SPTBN2: variants seen among roughly 807,000 people sequenced by gnomAD.
The protein encoded by SPTBN2 is spectrin beta, non-erythrocytic 2.
In SPTBN2, 107 loss-of-function variants were observed where a neutral mutation model predicts 284.2. That is an observed-to-expected ratio of 0.38 (90% CI 0.32 to 0.44). SPTBN2 has a LOEUF of 0.44. SPTBN2 is among the 20% of genes least tolerant of loss of function. SPTBN2 has a pLI of 1.00. For missense variants in SPTBN2, 2,569 were observed against 3,287.1 expected (o/e 0.78, Z 5.34); for synonymous variants, 1,289 against 1,354.8 (o/e 0.95, Z 1.07).
Position 66,711,537 on chromosome 11 carries a change from C to T in SPTBN2, c.773-508G>A, listed in dbSNP as rs558871429. On this transcript the variant is annotated intron_variant, in intron 8 of 37. Coordinates refer to ENST00000533211, the MANE Select transcript of SPTBN2 (RefSeq NM_006946.4). ...TCAGCACCATCTCCAGGTGTGATCA[C>T]GCCGTTTCTAACCTCAATCCTAAAG... Among the ~76,000 whole-genome samples, 26 of 152,276 alleles carry T rather than the reference C, an allele frequency of 1.7e-4. No individual in the cohort carries two copies. The South Asian group carries it at 3.3e-3, about 19-fold the overall frequency.
intron 31 of SPTBN2, 26 bp from the exon 32 acceptor site, chr11:66,688,337 T>C (rs1319134262): frequency 6.4e-7 from 1 of 1,559,190 alleles, no homozygotes; most frequent in South Asian, 1.2e-5. Flanking sequence ...GCATTCAGCG[T>C]GTAGAAGGTT....
Position 66,708,039 on chromosome 11 carries a change from A to C in SPTBN2, c.1350+102T>G. On this transcript the variant is annotated intron_variant, in intron 12 of 37. Coordinates refer to ENST00000533211, the MANE Select transcript of SPTBN2 (RefSeq NM_006946.4). The surrounding 1 kb of genome is among the most constrained non-coding windows in gnomAD (Gnocchi z 4.4). ...CTAGGCCTTTTTACCCAGGTGACGG[A>C]TTTTGTGTTTCATTGTCTCTCCACC... is the stretch of plus-strand genomic sequence containing the variant. The C allele has an allele frequency of 6.4e-7, 1 of 1,573,836 alleles. No individual in the cohort carries two copies. The highest frequency in any genetic ancestry group is 8.7e-7 in the Non-Finnish European group (1 of 1,147,860).
chr11:66,683,726 C>A lies in SPTBN2; in HGVS notation c.*2145G>T, dbSNP rs1939933382. Among the ~76,000 whole-genome samples the A allele has an allele frequency of 6.6e-6, 1 of 152,218 alleles. No homozygotes were observed. The highest frequency in any genetic ancestry group is 2.1e-4 in the South Asian group (1 of 4,832). On this transcript the variant is annotated 3_prime_UTR_variant, in exon 38 of 38. Coordinates refer to ENST00000533211, the MANE Select transcript of SPTBN2 (RefSeq NM_006946.4). ...CACTTACGTGTCGTGTTAAAATAAT[C>A]ATTTCTCTATTAATTTCTCCATATA... is the stretch of plus-strand genomic sequence containing the variant.
chr11:66,704,552 C>A lies in SPTBN2; in HGVS notation c.2678+46G>T, dbSNP rs756550070. 9.6e-6 allele frequency: 15 copies of A among 1,562,178 alleles called. No individual in the cohort carries two copies. The South Asian group carries it at 1.0e-4, about 11-fold the overall frequency. ...CACCACCCACATCCTGGCCCCCCCACCCCCACCTCCCAAGGCTGGTCCCAC... is the reference window on the plus strand; with the variant it reads ...CACCACCCACATCCTGGCCCCCCCAACCCCACCTCCCAAGGCTGGTCCCAC... On this transcript the variant is annotated intron_variant, in intron 15 of 37. Transcript: ENST00000533211.
chr11:66,727,881 C>G (rs1238119711), intron 1 of SPTBN2: 1 of 150,400 alleles, frequency 6.6e-6, no homozygotes, highest in Non-Finnish European at 1.5e-5. Flanking sequence ...AGCCTCGCCG[C>G]GAACGTGTCC....
At chr11:66,733,984 CAA>C (rs60666832), upstream of SPTBN2, among the ~76,000 whole-genome samples, 775 of 75,752 alleles carry the variant, frequency 0.01, 6 homozygotes, top group African/African-American at 0.03. Context: ...GACTCCGTCT[CAA>C]AAAAAAAAAA....
At position 66,687,951 on chromosome 11, in the gene SPTBN2, G is replaced by C; in HGVS notation, c.6451-33C>G. 2.5e-6 allele frequency: 4 copies of C among 1,614,176 alleles called. No individual in the cohort carries two copies. Among genetic ancestry groups the C allele is most frequent in the Non-Finnish European group, 3.4e-6 (4 of 1,180,024 alleles). On this transcript the variant is annotated intron_variant, in intron 33 of 37. Coordinates refer to ENST00000533211, the MANE Select transcript of SPTBN2 (RefSeq NM_006946.4). This position sits in a 1 kb window ranked among gnomAD's most constrained non-coding sequence, Gnocchi z 5.2. ...GACAAGAATCTGTAAAAGGATGTGC[G>C]GGGGTGGAGGGGCTACGACTCCGAT...
Position 66,707,971 on chromosome 11 carries a change from C to T in SPTBN2, c.1351-153G>A, listed in dbSNP as rs887037762. On this transcript the variant is annotated intron_variant, in intron 12 of 37. Transcript: ENST00000533211. The surrounding 1 kb of genome is among the most constrained non-coding windows in gnomAD (Gnocchi z 4.9). ...TCCCACCCCCATCCTGTCTCACCAA[C>T]CCTCTCTCCTGTCCCACCCTCTGGC... 2.0e-5 allele frequency among the ~76,000 whole-genome samples: 3 copies of T among 152,206 alleles called. No homozygotes were observed.
chr11:66,711,152 C>A (rs1941840645), intron 8 of SPTBN2, 123 bp from the exon 9 acceptor site: 1 of 780,604 alleles, frequency 1.3e-6, no homozygotes, highest in Non-Finnish European at 2.3e-6. Flanking sequence ...CCTTTTAGAG[C>A]AAAATGACAA....
Position 66,735,553 on chromosome 11 carries a change from A to G in SPTBN2, c.-474-6361T>C, listed in dbSNP as rs554023974. On this transcript the variant is annotated intron_variant, in intron 1 of 37. Coordinates refer to the SPTBN2 transcript ENST00000611817. Reference sequence around the variant, plus strand: ...TAGTGAGACCTCCATCTTTACAAAAACTTTAAAAATTATCTGGGCATGGTG... The same window carrying G: ...TAGTGAGACCTCCATCTTTACAAAAGCTTTAAAAATTATCTGGGCATGGTG... Among the ~76,000 whole-genome samples the G allele has an allele frequency of 3.3e-5, 5 of 152,078 alleles. No homozygotes were observed. In the East Asian group the frequency reaches 7.7e-4, roughly 24 times the overall value.
chr11:66,699,797 T>C (rs1590934001), intron 17 of SPTBN2, among the ~76,000 whole-genome samples, 189 bp from the exon 18 acceptor site: 1 of 152,168 alleles, frequency 6.6e-6, no homozygotes, highest in Non-Finnish European at 1.5e-5. Context: ...GGAAGCTGGG[T>C]GGGAAGGACC....
intron 37 of SPTBN2, 138 bp from the exon 38 acceptor site, chr11:66,686,242 G>A (rs762787219): frequency 1.4e-6 from 2 of 1,383,596 alleles, no homozygotes; most frequent in South Asian, 2.3e-5. Flanking sequence ...GGCCGGCTTA[G>A]ACAGGGAGTG....
chr11:66,715,320 GC>G lies in SPTBN2; in HGVS notation c.384del (p.Glu128AspfsTer21). The G allele has an allele frequency of 6.2e-7, 1 of 1,614,254 alleles. No homozygotes were observed. The highest frequency in any genetic ancestry group is 8.5e-7 in the Non-Finnish European group (1 of 1,180,046). On this transcript the variant is annotated frameshift_variant, in exon 5 of 38. Coordinates refer to ENST00000533211, the MANE Select transcript of SPTBN2 (RefSeq NM_006946.4). LOFTEE classifies it high-confidence loss of function. This position sits in a 1 kb window ranked among gnomAD's most constrained non-coding sequence, Gnocchi z 5.3. ...NVDKALQFLK[E>X]QKVHLENMGS... ...CCCATGTTTTCCAAGTGCACTTTCTGCTCCTTGAGGAACTGCAGTGCCTTGT... is the reference window on the plus strand; with the variant it reads ...CCCATGTTTTCCAAGTGCACTTTCTGTCCTTGAGGAACTGCAGTGCCTTGT...
chr11:66,694,300 C>T lies in SPTBN2; in HGVS notation c.4342G>A (p.Ala1448Thr). 2 of 1,614,228 alleles carry T rather than the reference C, an allele frequency of 1.2e-6. No homozygotes were observed. The highest frequency in any genetic ancestry group is 1.7e-6 in the Non-Finnish European group (2 of 1,180,036). Residue 1448 changes from alanine to threonine, a missense_variant, in exon 22 of 38, where the codon GCA (alanine) becomes ACA (threonine). By Grantham distance (58) the Ala-to-Thr change is moderately conservative. This residue lies in a region of SPTBN2 where 1,130 missense variants were observed against 1,317.3 expected (regional missense o/e 0.86). Transcript: ENST00000533211. Reference sequence around the variant, plus strand: ...GCACCCTGGTCCTCCTGGGCCAGTGCTTTGGCCTGGGCCTGGATTGCCTCC... The same window carrying T: ...GCACCCTGGTCCTCCTGGGCCAGTGTTTTGGCCTGGGCCTGGATTGCCTCC... Reference protein sequence around the residue: ...EVEAIQAQAKALAQEDQGAGE... With the variant: ...EVEAIQAQAKTLAQEDQGAGE...
rs1433249365 is a variant in SPTBN2 at position 66,692,597 on chromosome 11, A to G, written c.5129T>C (p.Ile1710Thr). Residue 1710 changes from isoleucine (I) to threonine (T), a missense_variant, in exon 26 of 38, where the codon ATC (isoleucine) becomes ACC (threonine). Ile to Thr is a moderately conservative substitution (Grantham distance 89, BLOSUM62 -1). This residue lies in a region of SPTBN2 where 1,130 missense variants were observed against 1,317.3 expected (regional missense o/e 0.86). Coordinates refer to ENST00000533211, the MANE Select transcript of SPTBN2 (RefSeq NM_006946.4). ...GGCCGCCACCACCTCGCGCTCCTGG[A>G]TCCACTGTTCCAGGTCATCCAGCTC... is the stretch of plus-strand genomic sequence containing the variant. ...RRELDDLEQW[I>T]QEREVVAASH... The G allele has an allele frequency of 8.7e-6, 14 of 1,606,800 alleles. No homozygotes were observed. The highest frequency in any genetic ancestry group is 1.2e-5 in the Non-Finnish European group (14 of 1,179,960).
chr11:66,711,070 C>A, intron 8 of SPTBN2, 41 bp from the exon 9 acceptor site: 1 of 1,550,830 alleles, frequency 6.4e-7, no homozygotes, highest in South Asian at 1.1e-5. Flanking sequence ...CCCAGAAGTT[C>A]ATCCATAACT....
chr11:66,724,152 G>A (rs1942530748), intron 1 of SPTBN2, among the ~76,000 whole-genome samples: 1 of 152,210 alleles, frequency 6.6e-6, no homozygotes, highest in South Asian at 2.1e-4. Context: ...CGGGTGCGGA[G>A]GCTCACGCCT....
In SPTBN2 at chr11:66,697,453, G is replaced by A. The variant is rs535739671; in HGVS notation, c.4015-913C>T. Among the ~76,000 whole-genome samples, 7 of 152,194 alleles carry A rather than the reference G, an allele frequency of 4.6e-5. No individual in the cohort carries two copies. In the East Asian group the frequency reaches 5.8e-4, roughly 13 times the overall value. On this transcript the variant is annotated intron_variant, in intron 20 of 37. Transcript: ENST00000533211. ...ACGCATGTGGTGGTCAGGACTTCCC[G>A]GGGCTTCTCTCCCACCTCTTCTTCC...
At position 66,698,632 on chromosome 11, in the gene SPTBN2, T is replaced by C. The variant is rs1458699528; in HGVS notation, c.4014+7A>G. The C allele has an allele frequency of 5.0e-6, 8 of 1,613,994 alleles. No homozygotes were observed. The highest frequency in any genetic ancestry group is 6.8e-6 in the Non-Finnish European group (8 of 1,180,022). ...TGCCCAGAGGCAGCCCCCACAGCACTGCTCACCTTGTCCACCTTGTCCAGC... is the reference window on the plus strand; with the variant it reads ...TGCCCAGAGGCAGCCCCCACAGCACCGCTCACCTTGTCCACCTTGTCCAGC... On this transcript the variant is annotated splice_region_variant and intron_variant, in intron 20 of 37. Coordinates refer to ENST00000533211, the MANE Select transcript of SPTBN2 (RefSeq NM_006946.4).
Sources: allele counts gnomAD v4.1 joint callset (sites outside exome capture counted in the v4.1 genomes callset), GRCh38; gene constraint gnomAD v4.1.1; regional missense constraint gnomAD v4.1.1; non-coding constraint Gnocchi (gnomAD v3.1); transcripts MANE v1.5; gene names NCBI Gene and HGNC (gene_info 2026-07-23, HGNC 2026-07-21).